Variants in THSD7A observed in about 807,000 individuals in gnomAD.
The protein encoded by THSD7A is thrombospondin type 1 domain containing 7A.
THSD7A carries 96 observed loss-of-function variants against 231.3 expected under a neutral mutation model. The ratio of observed to expected loss-of-function variants is 0.41; its 90% CI spans 0.35 to 0.49. The LOEUF (loss-of-function observed/expected upper bound fraction) is 0.49, where lower values mean the gene tolerates loss of function less well. Among genes scored for constraint, THSD7A ranks in the 20% least tolerant of loss-of-function variants. The pLI, the probability that THSD7A is intolerant of heterozygous loss-of-function variation, is 0.05. For synonymous variants in THSD7A, 940 were observed against 743.3 expected (o/e 1.26, Z -4.30); for missense variants, 2,290 against 2,070.2 (o/e 1.11, Z -2.06).
intron 1 of THSD7A, among the ~76,000 whole-genome samples, chr7:11,826,833 A>C (rs1785045856): frequency 6.9e-6 from 1 of 144,760 alleles, no homozygotes; most frequent in African/African-American, 2.7e-5. Flanking sequence ...AAAAAAAAAA[A>C]TGCAAATGCC....
At chr7:11,589,887 G>T (rs534552886) in intron 4 of THSD7A, among the ~76,000 whole-genome samples, 242 of 151,856 alleles carry the variant, frequency 1.6e-3, no homozygotes, top group Non-Finnish European at 1.9e-3. Flanking sequence ...TCCTATATCT[G>T]GTCCTGAAAC....
At chr7:11,525,328 A>G (rs576122445) in intron 6 of THSD7A, among the ~76,000 whole-genome samples, 1 of 152,314 alleles carries the variant, frequency 6.6e-6, no homozygotes, top group African/African-American at 2.4e-5. Context: ...CATAGAATAT[A>G]TAAATACCAT....
In THSD7A at chr7:11,591,161, T is replaced by TTG. The variant is rs1780149486; in HGVS notation, c.1272-521_1272-520insCA. 2.6e-5 allele frequency among the ~76,000 whole-genome samples: 4 copies of TTG among 151,438 alleles called. No homozygotes were observed. In the South Asian group the frequency reaches 8.4e-4, roughly 32 times the overall value. ...TCTTTATTGTCAAGAATAAGATTTT[T>TTG]TTTTTTTTTTTGGTAGCACTGAGCA... is the stretch of plus-strand genomic sequence containing the variant. On this transcript the variant is annotated intron_variant, in intron 3 of 27. Coordinates refer to ENST00000423059, the MANE Select transcript of THSD7A (RefSeq NM_015204.3).
intron 1 of THSD7A, among the ~76,000 whole-genome samples, chr7:11,765,964 G>C (rs1192318085): frequency 6.6e-6 from 1 of 152,094 alleles, no homozygotes; most frequent in Non-Finnish European, 1.5e-5. Flanking sequence ...TAAACAGTTT[G>C]ACTTTATAAT....
chr7:11,715,867 T>C (rs188763447), intron 1 of THSD7A, among the ~76,000 whole-genome samples: 14 of 151,610 alleles, frequency 9.2e-5, no homozygotes, highest in African/African-American at 3.1e-4. Flanking sequence ...AGTTTGTAAA[T>C]ATCAAAAGGC....
At chr7:11,454,305 T>C (rs1038253364) in intron 11 of THSD7A, among the ~76,000 whole-genome samples, 2 of 151,876 alleles carry the variant, frequency 1.3e-5, no homozygotes, top group Admixed American at 6.6e-5. Context: ...TCTTATGCCA[T>C]TATACAAAAT....
At chr7:11,585,569 C>T (rs1410571964) in intron 4 of THSD7A, among the ~76,000 whole-genome samples, 1 of 152,120 alleles carries the variant, frequency 6.6e-6, no homozygotes, top group Non-Finnish European at 1.5e-5. Flanking sequence ...TAAATAAAGA[C>T]CAAAACACTT....
intron 9 of THSD7A, among the ~76,000 whole-genome samples, chr7:11,462,904 C>T (rs1168241528): frequency 6.6e-6 from 1 of 152,110 alleles, no homozygotes; most frequent in Non-Finnish European, 1.5e-5. Context: ...TTTTAGTATA[C>T]AGATCATGTA....
intron 4 of THSD7A, among the ~76,000 whole-genome samples, chr7:11,560,625 T>G (rs1489311133): frequency 6.6e-6 from 1 of 152,128 alleles, no homozygotes; most frequent in African/African-American, 2.4e-5. Context: ...TCTTGCTCCC[T>G]TATAGCATGC....
chr7:11,701,121 T>A (rs1282783084), intron 1 of THSD7A, among the ~76,000 whole-genome samples: 1 of 151,244 alleles, frequency 6.6e-6, no homozygotes, highest in African/African-American at 2.4e-5. Flanking sequence ...ATAATTTTTT[T>A]AGAGCTCTAG....
Position 11,637,629 on chromosome 7 carries a change from A to G in THSD7A, c.191-668T>C, listed in dbSNP as rs1046933346. On this transcript the variant is annotated intron_variant, in intron 1 of 27. Coordinates refer to ENST00000423059, the MANE Select transcript of THSD7A (RefSeq NM_015204.3). This position sits in a 1 kb window ranked among gnomAD's most constrained non-coding sequence, Gnocchi z 4.2. Reference sequence around the variant, plus strand: ...GTGAAGTATAGAGCTGGGTAAGGGAATTTAAATGTAACTAAAAGACTTTTG... The same window carrying G: ...GTGAAGTATAGAGCTGGGTAAGGGAGTTTAAATGTAACTAAAAGACTTTTG... Among the ~76,000 whole-genome samples, 7 of 152,176 alleles carry G rather than the reference A, an allele frequency of 4.6e-5. No homozygotes were observed. The highest frequency in any genetic ancestry group is 2.0e-4 in the Admixed American group (3 of 15,280).
chr7:11,530,091 C>A lies in THSD7A; in HGVS notation c.1822+11328G>T, dbSNP rs556504133. Among the ~76,000 whole-genome samples, 31 of 152,242 alleles carry A rather than the reference C, an allele frequency of 2.0e-4. No individual in the cohort carries two copies. In the South Asian group the frequency reaches 4.8e-3, roughly 23 times the overall value. The stretch of plus-strand genomic sequence containing the variant: ...AACCTAGAGTCAGTGCTGCAATGAC[C>A]GGTCTCCAGAAAGTTAAAGCTCAAT... On this transcript the variant is annotated intron_variant, in intron 6 of 27. Transcript: ENST00000423059.
chr7:11,617,206 A>G (rs1781137269), intron 2 of THSD7A, among the ~76,000 whole-genome samples: 1 of 152,218 alleles, frequency 6.6e-6, no homozygotes, highest in Non-Finnish European at 1.5e-5. Flanking sequence ...TATGTTCTCA[A>G]CATTCATCAG....
At chr7:11,764,072 C>A (rs531990203) in intron 1 of THSD7A, among the ~76,000 whole-genome samples, 21 of 152,208 alleles carry the variant, frequency 1.4e-4, no homozygotes, top group African/African-American at 4.8e-4. Flanking sequence ...GTAAATAAAT[C>A]CTGCAAATCT....
chr7:11,516,621 C>T (rs1407806734), intron 6 of THSD7A, among the ~76,000 whole-genome samples: 1 of 152,162 alleles, frequency 6.6e-6, no homozygotes, highest in African/African-American at 2.4e-5. Flanking sequence ...GCTTTAAATT[C>T]TTATCTGTAA....
chr7:11,714,834 G>A (rs1405319), intron 1 of THSD7A, among the ~76,000 whole-genome samples: 1 of 151,226 alleles, frequency 6.6e-6, no homozygotes, highest in East Asian at 2.0e-4. Flanking sequence ...CCAAATTTAA[G>A]GAATTCCAAG....
chr7:11,508,313 G>GA (rs1359624811), intron 6 of THSD7A, among the ~76,000 whole-genome samples: 4 of 151,920 alleles, frequency 2.6e-5, no homozygotes, highest in Non-Finnish European at 5.9e-5. Flanking sequence ...ACAAGTATTT[G>GA]AAAAAATGTT....
At position 11,371,334 on chromosome 7, in the gene THSD7A, C is replaced by T. The variant is rs1014358510; in HGVS notation, c.*4460G>A. The T allele has an allele frequency of 1.3e-5, 2 of 152,198 alleles. No homozygotes were observed. The highest frequency in any genetic ancestry group is 4.8e-5 in the African/African-American group (2 of 41,450). 9.4% of individuals were successfully genotyped at this position (152,198 alleles called of 1,614,324 possible). ...TCCTGCAGCCAGGGCCACCTGAGGG[C>T]AGGACCTGGGGAGACCCTTATTCCC... On this transcript the variant is annotated 3_prime_UTR_variant, in exon 28 of 28. Transcript: ENST00000423059.
chr7:11,803,353 A>G (rs1244591571), intron 1 of THSD7A, among the ~76,000 whole-genome samples: 1 of 152,196 alleles, frequency 6.6e-6, no homozygotes, highest in African/African-American at 2.4e-5. Context: ...ATCAAGTAAT[A>G]GACCCAAAAG....
Sources: gnomAD v4.1 joint callset for allele counts (sites outside exome capture counted in the v4.1 genomes callset) on GRCh38, gnomAD v4.1.1 for gene constraint, Gnocchi (gnomAD v3.1) non-coding constraint, MANE v1.5 for transcripts, NCBI Gene and HGNC (gene_info 2026-07-23, HGNC 2026-07-21) for gene names.